ABTB3: variants seen among roughly 807,000 people sequenced by gnomAD.
The protein encoded by ABTB3 is ankyrin repeat- and BTB/POZ domain-containing protein 3.
At chr12:107,626,756 TAAATG>T in the ABTB3 span, among the ~76,000 whole-genome samples, 4 of 152,198 alleles carry the variant, frequency 2.6e-5, no homozygotes, top group East Asian at 7.7e-4. Context: ...AAAAAAATAA[TAAATG>T]GGATCCATAA....
chr12:107,511,868 T>C, the ABTB3 span, among the ~76,000 whole-genome samples: 13 of 152,198 alleles, frequency 8.5e-5, no homozygotes, highest in African/African-American at 1.2e-4. Context: ...CTATGACTTC[T>C]GGCCCCCAGG....
At chr12:107,600,265 C>G in the ABTB3 span, among the ~76,000 whole-genome samples, 5 of 152,216 alleles carry the variant, frequency 3.3e-5, no homozygotes, top group African/African-American at 1.2e-4. Context: ...CGATACGCAA[C>G]CTCGATGCCG....
the ABTB3 span, among the ~76,000 whole-genome samples, chr12:107,574,032 A>G: frequency 6.6e-6 from 1 of 152,354 alleles, no homozygotes; most frequent in African/African-American, 2.4e-5. Flanking sequence ...ACTGCTATGA[A>G]TACAAAATAG....
the ABTB3 span, among the ~76,000 whole-genome samples, chr12:107,490,456 G>T: frequency 6.6e-6 from 1 of 152,140 alleles, no homozygotes; most frequent in African/African-American, 2.4e-5. Context: ...TGGTGGCATA[G>T]TACTGCCTCT....
the ABTB3 span, among the ~76,000 whole-genome samples, chr12:107,581,769 G>C: frequency 6.6e-6 from 1 of 152,298 alleles, no homozygotes; most frequent in South Asian, 2.1e-4. Context: ...CCTCTGTCAA[G>C]GTGGGAATTA....
the ABTB3 span, among the ~76,000 whole-genome samples, chr12:107,402,780 C>T: frequency 6.6e-6 from 1 of 152,226 alleles, no homozygotes; most frequent in African/African-American, 2.4e-5. Flanking sequence ...TAACTAATGA[C>T]ATCCTTGCCC....
the ABTB3 span, among the ~76,000 whole-genome samples, chr12:107,516,162 T>C: frequency 6.6e-6 from 1 of 152,076 alleles, no homozygotes; most frequent in African/African-American, 2.4e-5. Context: ...AGAAAATCCA[T>C]TGACTAATTT....
the ABTB3 span, chr12:107,657,987 G>A: frequency 7.5e-5 from 37 of 490,074 alleles, no homozygotes; most frequent in African/African-American, 5.6e-4. Flanking sequence ...ACCCACTGCC[G>A]GGGACCACTG....
At chr12:107,352,539 C>G in the ABTB3 span, among the ~76,000 whole-genome samples, 2 of 152,042 alleles carry the variant, frequency 1.3e-5, no homozygotes, top group Non-Finnish European at 2.9e-5. Context: ...CAGATTGTGT[C>G]TTGCACAAGA....
the ABTB3 span, among the ~76,000 whole-genome samples, chr12:107,460,290 G>A: frequency 3.9e-4 from 60 of 152,232 alleles, no homozygotes; most frequent in Non-Finnish European, 7.9e-4. Context: ...ACTGGAAGAT[G>A]GGAAAGCTCA....
At chr12:107,612,067 T>C in the ABTB3 span, among the ~76,000 whole-genome samples, 2 of 152,384 alleles carry the variant, frequency 1.3e-5, no homozygotes, top group South Asian at 4.1e-4. Flanking sequence ...ATATCTCTAA[T>C]CAAACTAGAA....
chr12:107,375,899 C>T, the ABTB3 span, among the ~76,000 whole-genome samples: 5 of 152,218 alleles, frequency 3.3e-5, no homozygotes, highest in African/African-American at 4.8e-5. Context: ...GGGTTCCTGC[C>T]TCGACTGAGG....
At chr12:107,508,438 C>CTTTTTTTTTTTTTTTTTTT in the ABTB3 span, among the ~76,000 whole-genome samples, 36 of 69,166 alleles carry the variant, frequency 5.2e-4, 8 homozygotes, top group East Asian at 1.1e-3. Context: ...AAGATCATTT[C>CTTTTTTTTTTTTTTTTTTT]TTTTTTTTTT....
At chr12:107,533,915 A>G in the ABTB3 span, among the ~76,000 whole-genome samples, 1 of 152,282 alleles carries the variant, frequency 6.6e-6, no homozygotes, top group Admixed American at 6.5e-5. Context: ...AACTGAAATC[A>G]TATCAAGTAT....
the ABTB3 span, among the ~76,000 whole-genome samples, chr12:107,356,123 C>T: frequency 4.6e-5 from 7 of 152,116 alleles, no homozygotes; most frequent in African/African-American, 1.7e-4. Flanking sequence ...CCACCTAAGA[C>T]CAGCTTTGCC....
chr12:107,551,750 A>G, the ABTB3 span, among the ~76,000 whole-genome samples: 25,950 of 144,284 alleles, frequency 0.18, 2,753 homozygotes, highest in East Asian at 0.29. Flanking sequence ...GTGGGTTATA[A>G]TCTTCTTTTT....
At chr12:107,337,890 C>G in the ABTB3 span, among the ~76,000 whole-genome samples, 5 of 152,186 alleles carry the variant, frequency 3.3e-5, no homozygotes, top group Non-Finnish European at 5.9e-5. Flanking sequence ...ACTTGTCTAT[C>G]CTCTTATGAG....
At chr12:107,584,312 G>A in the ABTB3 span, among the ~76,000 whole-genome samples, 1 of 152,322 alleles carries the variant, frequency 6.6e-6, no homozygotes, top group African/African-American at 2.4e-5. Context: ...CAACAACTGT[G>A]CAAGACAGCC....
At chr12:107,541,427 A>G in the ABTB3 span, among the ~76,000 whole-genome samples, 7,106 of 152,238 alleles carry the variant, frequency 0.047, 552 homozygotes, top group African/African-American at 0.16. Flanking sequence ...AACCAACAGG[A>G]TTTCTCTCTC....
Sources: allele counts gnomAD v4.1 joint callset (sites outside exome capture counted in the v4.1 genomes callset), GRCh38; gene constraint gnomAD v4.1.1; transcripts MANE v1.5; gene names NCBI Gene and HGNC (gene_info 2026-07-23, HGNC 2026-07-21).